The following ACOX3 variants were observed in gnomAD, a reference collection of about 807,000 sequenced individuals.
ACOX3 encodes acyl-CoA oxidase 3, pristanoyl.
ACOX3 carries 73 observed loss-of-function variants against 81.5 expected under a neutral mutation model. The ratio of observed to expected loss-of-function variants is 0.90; its 90% CI spans 0.74 to 1.09. The LOEUF (loss-of-function observed/expected upper bound fraction) is 1.09. Among genes scored for constraint, ACOX3 ranks in the 50% least tolerant of loss-of-function variants. ACOX3 has a pLI of 0.00. For synonymous variants in ACOX3, 387 were observed against 375.1 expected (o/e 1.03, Z -0.37); for missense variants, 947 against 928.0 (o/e 1.02, Z -0.27).
chr4:8,383,422 C>T (rs1334226279), intron 13 of ACOX3, among the ~76,000 whole-genome samples: 1 of 152,218 alleles, frequency 6.6e-6, no homozygotes, highest in Admixed American at 6.5e-5. Context: ...TCAGGGACTC[C>T]TGGACTAGGA....
At position 8,399,266 on chromosome 4, in the gene ACOX3, A is replaced by C; in HGVS notation, c.873+290T>G. Among the ~76,000 whole-genome samples, 1 of 152,128 alleles carries C rather than the reference A, an allele frequency of 6.6e-6. No homozygotes were observed. The highest frequency in any genetic ancestry group is 1.5e-5 in the Non-Finnish European group (1 of 68,018). ...GGAGACCCGTCTCCTTCAAATCCTCAGGGAAGCATCACTGGAAGCGAGCAG... is the reference window on the plus strand; with the variant it reads ...GGAGACCCGTCTCCTTCAAATCCTCCGGGAAGCATCACTGGAAGCGAGCAG... On this transcript the variant is annotated intron_variant, in intron 8 of 17. Transcript: ENST00000356406. This position sits in a 1 kb window ranked among gnomAD's most constrained non-coding sequence, Gnocchi z 4.9.
In ACOX3 at chr4:8,384,269, A is replaced by C. The variant is rs1718035539; in HGVS notation, c.1538-2662T>G. ...TTTGGTTCTTGGTTTTTCGTGAAAAAATAAATCATGTCAGTCTGATGTGTT... is the reference window on the plus strand; with the variant it reads ...TTTGGTTCTTGGTTTTTCGTGAAAACATAAATCATGTCAGTCTGATGTGTT... On this transcript the variant is annotated intron_variant, in intron 13 of 17. Transcript: ENST00000356406. This position sits in a 1 kb window ranked among gnomAD's most constrained non-coding sequence, Gnocchi z 5.3. 6.6e-6 allele frequency among the ~76,000 whole-genome samples: 1 copy of C among 152,192 alleles called. No individual in the cohort carries two copies. The highest frequency in any genetic ancestry group is 6.5e-5 in the Admixed American group (1 of 15,280).
chr4:8,430,749 G>A lies in ACOX3; in HGVS notation c.-15+9899C>T, dbSNP rs979057135. 2.6e-5 allele frequency among the ~76,000 whole-genome samples: 4 copies of A among 152,188 alleles called. No homozygotes were observed. Among genetic ancestry groups the A allele is most frequent in the Non-Finnish European group, 5.9e-5 (4 of 68,032 alleles). On this transcript the variant is annotated intron_variant, in intron 1 of 17. Coordinates refer to ENST00000356406, the MANE Select transcript of ACOX3 (RefSeq NM_003501.3). The surrounding 1 kb of genome is among the most constrained non-coding windows in gnomAD (Gnocchi z 5.2). ...CGGGCGCCTGTAATCCCAGCTACTT[G>A]GGAGGCTGAGGCAAGAGAATCGCCT...
intron 5 of ACOX3, among the ~76,000 whole-genome samples, chr4:8,413,847 G>C (rs1722052440): frequency 6.6e-6 from 1 of 152,260 alleles, no homozygotes; most frequent in Non-Finnish European, 1.5e-5. Flanking sequence ...AGACTGCGGT[G>C]GCGGAAATGG....
At chr4:8,374,736 A>T (rs1199370431) in intron 15 of ACOX3, 3 of 409,086 alleles carry the variant, frequency 7.3e-6, no homozygotes, top group African/African-American at 2.0e-5. Context: ...GGCCTTCTGG[A>T]AGTGTTCTCT....
In ACOX3 at chr4:8,416,012, GA is replaced by G; in HGVS notation, c.145-14del. The G allele has an allele frequency of 6.2e-7, 1 of 1,611,204 alleles. No homozygotes were observed. Among genetic ancestry groups the G allele is most frequent in the South Asian group, 1.1e-5 (1 of 90,886 alleles). On this transcript the variant is annotated splice_polypyrimidine_tract_variant and intron_variant, in intron 2 of 17. Coordinates refer to ENST00000356406, the MANE Select transcript of ACOX3 (RefSeq NM_003501.3). This position sits in a 1 kb window ranked among gnomAD's most constrained non-coding sequence, Gnocchi z 4.2. ...AGAAGATGGTTTTCTGGAAATGCAG[GA>G]GATGGGTAAGGCTTATTTGGAGTAA...
intron 8 of ACOX3, among the ~76,000 whole-genome samples, chr4:8,398,350 G>T (rs557489767): frequency 3.3e-5 from 5 of 152,078 alleles, no homozygotes; most frequent in African/African-American, 1.2e-4. Flanking sequence ...TTTCTCTACC[G>T]TGTGTCTGGG....
In ACOX3 at chr4:8,416,386, G is replaced by A. The variant is rs778547412; in HGVS notation, c.136C>T (p.Arg46Cys). 36 of 1,614,064 alleles carry A rather than the reference G, an allele frequency of 2.2e-5. No homozygotes were observed. The Admixed American group carries it at 2.3e-4, about 10-fold the overall frequency. ...ACAACCGCACGCCTCACCTTAAAGC[G>A]GAGCATGCCCTCCCCTTCCGTGAAC... Reference protein sequence around the residue: ...ALFTEGEGMLRFKKTIFSALE... With the variant: ...ALFTEGEGMLCFKKTIFSALE... Residue 46 changes from arginine (R) to cysteine (C), a missense_variant, in exon 2 of 18, where the codon CGC (arginine) becomes TGC (cysteine). Transcript: ENST00000356406. The surrounding 1 kb of genome is among the most constrained non-coding windows in gnomAD (Gnocchi z 4.2).
intron 17 of ACOX3, among the ~76,000 whole-genome samples, chr4:8,369,141 G>C (rs916218577): frequency 6.6e-6 from 1 of 152,126 alleles, no homozygotes; most frequent in Admixed American, 6.5e-5. Context: ...GCAGAGCAAG[G>C]CACAGCAGGT....
At position 8,409,651 on chromosome 4, in the gene ACOX3, T is replaced by TGCACTGTGGGCAGGGCTGTCTGC. The variant is rs1721470237; in HGVS notation, c.687+560_687+561insGCAGACAGCCCTGCCCACAGTGC. On this transcript the variant is annotated intron_variant, in intron 6 of 17. Coordinates refer to ENST00000356406, the MANE Select transcript of ACOX3 (RefSeq NM_003501.3). ...TGTGCACTGTGGGCAGGGCTGTCTG[T>TGCACTGTGGGCAGGGCTGTCTGC]GCACTGTGGGCAGGACTGTCTGCAC... Among the ~76,000 whole-genome samples, 3 of 140,522 alleles carry TGCACTGTGGGCAGGGCTGTCTGC rather than the reference T, an allele frequency of 2.1e-5. No individual in the cohort carries two copies. The South Asian group carries it at 7.3e-4, about 34-fold the overall frequency. 92.2% of individuals were successfully genotyped at this position (140,522 alleles called of 152,430 possible).
chr4:8,374,873 T>C (rs929357368), intron 15 of ACOX3, 105 bp downstream of exon 15: 1 of 1,280,266 alleles, frequency 7.8e-7, no homozygotes, highest in Non-Finnish European at 1.0e-6. Context: ...CCGTGCTCAG[T>C]GAGTCCCGTG....
rs1578857316 is a variant in ACOX3 at position 8,373,956 on chromosome 4, G to A, written c.1829-328C>T. On this transcript the variant is annotated intron_variant, in intron 15 of 17. Coordinates refer to ENST00000356406, the MANE Select transcript of ACOX3 (RefSeq NM_003501.3). ...GGAGGCTGGGCGGGTTCCTTCCTCG[G>A]GAGAAAGTGAGGAAGGGGCTCCTGG... 4 of 392,486 alleles carry A rather than the reference G, an allele frequency of 1.0e-5. No homozygotes were observed. In the East Asian group the frequency reaches 2.1e-4, roughly 21 times the overall value. The allele number at this position is 392,486 out of a possible 1,614,324, so 24.3% of individuals were successfully genotyped here. A position where few individuals can be genotyped will look rare whatever the true frequency, so the allele number is the denominator to read the frequency against.
At chr4:8,392,292 G>T in intron 11 of ACOX3, 41 bp downstream of exon 11, 2 of 1,456,990 alleles carry the variant, frequency 1.4e-6, no homozygotes, top group Non-Finnish European at 1.8e-6. Context: ...AAACAGCAGG[G>T]CTAAGGACAG....
chr4:8,390,805 A>T (rs557109582), intron 11 of ACOX3, among the ~76,000 whole-genome samples: 58 of 152,268 alleles, frequency 3.8e-4, no homozygotes, highest in African/African-American at 1.3e-3. Context: ...TACTGCCAAC[A>T]CGCTTGTGAT....
Position 8,405,889 on chromosome 4 carries a change from A to T in ACOX3, c.776+66T>A, listed in dbSNP as rs1720886395. On this transcript the variant is annotated intron_variant, in intron 7 of 17. Transcript: ENST00000356406. The surrounding 1 kb of genome is among the most constrained non-coding windows in gnomAD (Gnocchi z 7.1). ...ATCCATGGGGCCAGTGAGATCTCAG[A>T]CATGAGCGACAACGCAGCCTGGGCC... 13 of 1,484,116 alleles carry T rather than the reference A, an allele frequency of 8.8e-6. No homozygotes were observed. In the South Asian group the frequency reaches 1.5e-4, roughly 17 times the overall value. 91.9% of individuals were successfully genotyped at this position (1,484,116 alleles called of 1,614,324 possible).
chr4:8,394,848 C>T lies in ACOX3; in HGVS notation c.1057-106G>A, dbSNP rs1342502636. On this transcript the variant is annotated intron_variant, in intron 9 of 17. Coordinates refer to ENST00000356406, the MANE Select transcript of ACOX3 (RefSeq NM_003501.3). The surrounding 1 kb of genome is among the most constrained non-coding windows in gnomAD (Gnocchi z 5.9). Reference sequence around the variant, plus strand: ...GCAGGGAGAGGCCGTCAGGGCCACACACCCACTAGCGCTGAAGGTCTTCAC... The same window carrying T: ...GCAGGGAGAGGCCGTCAGGGCCACATACCCACTAGCGCTGAAGGTCTTCAC... 7 of 1,422,902 alleles carry T rather than the reference C, an allele frequency of 4.9e-6. No homozygotes were observed. The highest frequency in any genetic ancestry group is 2.9e-5 in the African/African-American group (2 of 69,998). The allele number at this position is 1,422,902 out of a possible 1,614,324, so 88.1% of individuals were successfully genotyped here.
rs574287357 is a variant in ACOX3, at chr4:8,387,651, G to A, written c.1537+1522C>T. On this transcript the variant is annotated intron_variant, in intron 13 of 17. Transcript: ENST00000356406. ...GGAGGAAGGCATTTGACAGGGACAC[G>A]GGTGGCACGGAGGTGGGGGCAGCTC... 7.2e-5 allele frequency among the ~76,000 whole-genome samples: 11 copies of A among 152,338 alleles called. No homozygotes were observed. In the South Asian group the frequency reaches 1.9e-3, roughly 26 times the overall value.
At chr4:8,415,075 C>T in intron 3 of ACOX3, 147 bp from the exon 4 acceptor site, 1 of 783,232 alleles carries the variant, frequency 1.3e-6, no homozygotes, top group Non-Finnish European at 2.1e-6. Flanking sequence ...AGAACAAGTG[C>T]TGAGAGGTTA....
intron 10 of ACOX3, 48 bp from the exon 11 acceptor site, chr4:8,392,501 C>A: frequency 6.8e-7 from 1 of 1,474,722 alleles, no homozygotes; most frequent in South Asian, 1.4e-5. Flanking sequence ...AGACTTTAGA[C>A]ACCAAAAAGT....
Sources: gnomAD v4.1 joint callset for allele counts (sites outside exome capture counted in the v4.1 genomes callset) on GRCh38, gnomAD v4.1.1 for gene constraint, Gnocchi (gnomAD v3.1) non-coding constraint, MANE v1.5 for transcripts, NCBI Gene and HGNC (gene_info 2026-07-23, HGNC 2026-07-21) for gene names.